CUL9: variants seen among roughly 807,000 people sequenced by gnomAD.
CUL9 encodes the protein cullin-9.
In CUL9, 79 loss-of-function variants were observed where a neutral mutation model predicts 272.6. The observed-to-expected ratio is 0.29, with a 90% CI of 0.24 to 0.35. The LOEUF is 0.35. Ranked by LOEUF, CUL9 falls within the 10% of genes least tolerant of loss-of-function variation. CUL9 has a pLI of 1.00. For missense variants in CUL9, 2,532 were observed against 3,255.6 expected (o/e 0.78, Z 5.41); for synonymous variants, 1,186 against 1,286.5 (o/e 0.92, Z 1.67).
chr6:43,214,274 G>T (rs1160918272), intron 29 of CUL9, among the ~76,000 whole-genome samples: 1 of 152,096 alleles, frequency 6.6e-6, no homozygotes, highest in East Asian at 1.9e-4. Flanking sequence ...ATAAAAATTA[G>T]CTGGGCATGG....
chr6:43,186,943 T>C lies in CUL9; in HGVS notation c.1252-17T>C, dbSNP rs775950923. ...AGCCTTCTCTATTCTGCTCTCTTTC[T>C]TCCTCCCTCATACCAGGTTTTCTGG... is the stretch of plus-strand genomic sequence containing the variant. On this transcript the variant is annotated splice_polypyrimidine_tract_variant and intron_variant, in intron 4 of 40. Coordinates refer to ENST00000252050, the MANE Select transcript of CUL9 (RefSeq NM_015089.4). 18 of 1,613,100 alleles carry C rather than the reference T, an allele frequency of 1.1e-5. No individual in the cohort carries two copies. Among genetic ancestry groups the C allele is most frequent in the Admixed American group, 6.7e-5 (4 of 59,946 alleles).
chr6:43,205,543 A>AATC, intron 24 of CUL9, 120 bp downstream of exon 24: 2 of 1,221,254 alleles, frequency 1.6e-6, no homozygotes, highest in Non-Finnish European at 2.3e-6. Context: ...AGATGTGGAG[A>AATC]TGGCTGGCCA....
chr6:43,203,007 G>A lies in CUL9; in HGVS notation c.3754-102G>A. ...TCCATCCCTAGGCTCTGCGGGAGAA[G>A]TGAAGGGCACACACCATGACCGACT... On this transcript the variant is annotated intron_variant, in intron 17 of 40. Transcript: ENST00000252050. The surrounding 1 kb of genome is among the most constrained non-coding windows in gnomAD (Gnocchi z 5.0). 1 of 1,355,928 alleles carries A rather than the reference G, an allele frequency of 7.4e-7. No homozygotes were observed. The highest frequency in any genetic ancestry group is 1.0e-6 in the Non-Finnish European group (1 of 953,750). The allele number at this position is 1,355,928 out of a possible 1,614,324, so 84.0% of individuals were successfully genotyped here.
intron 8 of CUL9, among the ~76,000 whole-genome samples, chr6:43,192,566 C>T (rs1026592279): frequency 1.3e-5 from 2 of 152,176 alleles, no homozygotes; most frequent in Non-Finnish European, 2.9e-5. Flanking sequence ...GTCCCAGCTA[C>T]TCAAGAGGCT....
chr6:43,209,536 A>G (rs1775311550), intron 26 of CUL9, among the ~76,000 whole-genome samples: 1 of 152,164 alleles, frequency 6.6e-6, no homozygotes, highest in Non-Finnish European at 1.5e-5. Flanking sequence ...ACCTGTTAAC[A>G]TTTAGTTGGC....
chr6:43,186,844 A>T, intron 4 of CUL9, 116 bp from the exon 5 acceptor site: 3 of 1,320,364 alleles, frequency 2.3e-6, no homozygotes, highest in Non-Finnish European at 3.1e-6. Flanking sequence ...CCAGGTGTGT[A>T]TCTGAGGGTG....
At chr6:43,222,040 C>A (rs920596183) in intron 35 of CUL9, 14 of 594,422 alleles carry the variant, frequency 2.4e-5, no homozygotes, top group Non-Finnish European at 3.6e-5. Context: ...TCTCAGAAGG[C>A]AGCAGGGCAG....
Position 43,186,113 on chromosome 6 carries a change from C to T in CUL9, c.909C>T (p.Ser303=), listed in dbSNP as rs1279086905. The part of the protein sequence containing the change: ...KSRGQRELEF[S]MAVGNLISEL... Reference sequence around the variant, plus strand: ...GGGGACAGCGGGAACTGGAGTTCAGCATGGCTGTGGGCAACCTCATCTCTG... The same window carrying T: ...GGGGACAGCGGGAACTGGAGTTCAGTATGGCTGTGGGCAACCTCATCTCTG... The change falls in exon 4 of 41, where the codon AGC becomes AGT. Residue 303 remains serine, a synonymous_variant. Transcript: ENST00000252050. 1 of 1,614,242 alleles carries T rather than the reference C, an allele frequency of 6.2e-7. No individual in the cohort carries two copies. Among genetic ancestry groups the T allele is most frequent in the East Asian group, 2.2e-5 (1 of 44,890 alleles).
In CUL9 at chr6:43,186,237, C is replaced by G; in HGVS notation, c.1033C>G (p.Pro345Ala). 2 of 1,614,216 alleles carry G rather than the reference C, an allele frequency of 1.2e-6. No individual in the cohort carries two copies. The highest frequency in any genetic ancestry group is 2.2e-5 in the South Asian group (2 of 91,086). The change falls in exon 4 of 41, where the codon CCC becomes GCC. Residue 345 changes from proline to alanine, a missense_variant. Transcript: ENST00000252050. ...RSIFQPYISG[P>A]SLLLPTIVTT... ...CATCTTTCAGCCCTACATTTCAGGCCCCAGCCTTTTACTCCCCACCATTGT... is the reference window on the plus strand; with the variant it reads ...CATCTTTCAGCCCTACATTTCAGGCGCCAGCCTTTTACTCCCCACCATTGT...
At chr6:43,183,704 T>TCC (rs1381643208) in intron 1 of CUL9, among the ~76,000 whole-genome samples, 5 of 80,886 alleles carry the variant, frequency 6.2e-5, no homozygotes, top group African/African-American at 2.6e-4. Context: ...CTTCCTTCCT[T>TCC]TCTTCCTTCC....
In CUL9 at chr6:43,186,104, G is replaced by A; in HGVS notation, c.900G>A (p.Leu300=). ...TREKSRGQRE[L]EFSMAVGNLI... ...AGAAAAGCCGGGGACAGCGGGAACT[G>A]GAGTTCAGCATGGCTGTGGGCAACC... The change falls in exon 4 of 41, where the codon CTG becomes CTA. Residue 300 remains leucine, a synonymous_variant. Transcript: ENST00000252050. 1 of 1,614,256 alleles carries A rather than the reference G, an allele frequency of 6.2e-7. No homozygotes were observed. The highest frequency in any genetic ancestry group is 8.5e-7 in the Non-Finnish European group (1 of 1,180,040).
At chr6:43,182,918 T>C (rs1339122850) in intron 1 of CUL9, among the ~76,000 whole-genome samples, 1 of 152,232 alleles carries the variant, frequency 6.6e-6, no homozygotes, top group Admixed American at 6.5e-5. Context: ...TTTGCATTTA[T>C]TTGATGACTC....
At chr6:43,202,031 A>G (rs533778262) in intron 16 of CUL9, among the ~76,000 whole-genome samples, 5 of 152,294 alleles carry the variant, frequency 3.3e-5, no homozygotes, top group African/African-American at 1.2e-4. Context: ...TAGAGAAAGG[A>G]TCCATGTGTT....
chr6:43,199,233 G>C lies in CUL9; in HGVS notation c.3051-33G>C, dbSNP rs937970482. ...TTACAGGCATGAGCCACTGTGCCTG[G>C]CCTGACTTCACTCGTTTCTACCCCC... On this transcript the variant is annotated intron_variant, in intron 12 of 40. Coordinates refer to ENST00000252050, the MANE Select transcript of CUL9 (RefSeq NM_015089.4). The surrounding 1 kb of genome is among the most constrained non-coding windows in gnomAD (Gnocchi z 4.4). 1.3e-6 allele frequency: 2 copies of C among 1,556,706 alleles called. No individual in the cohort carries two copies. The highest frequency in any genetic ancestry group is 2.7e-5 in the African/African-American group (2 of 73,718).
chr6:43,213,873 T>A lies in CUL9; in HGVS notation c.5649T>A (p.His1883Gln). The A allele has an allele frequency of 6.2e-7, 1 of 1,613,948 alleles. No homozygotes were observed. The highest frequency in any genetic ancestry group is 8.5e-7 in the Non-Finnish European group (1 of 1,179,970). The change falls in exon 29 of 41, where the codon CAT becomes CAA. Residue 1883 changes from histidine (H) to glutamine (Q), a missense_variant. His to Gln is a conservative substitution (Grantham distance 24, BLOSUM62 0). This residue lies in a region of CUL9 where 2,218 missense variants were observed against 2,788.6 expected (regional missense o/e 0.80). Transcript: ENST00000252050. The surrounding 1 kb of genome is among the most constrained non-coding windows in gnomAD (Gnocchi z 5.7). ...SCLLVRILKAHGEKGLHIDQL... is the reference protein window; with the variant it reads ...SCLLVRILKAQGEKGLHIDQL... ...TTCTTGTTCGTATTCTCAAAGCCCA[T>A]GGGGAAAAGGGCCTCCACATTGATC...
rs371926809 is a variant in CUL9 at position 43,213,697 on chromosome 6, C to T, written c.5489-16C>T. On this transcript the variant is annotated splice_polypyrimidine_tract_variant and intron_variant, in intron 28 of 40. Transcript: ENST00000252050. This position sits in a 1 kb window ranked among gnomAD's most constrained non-coding sequence, Gnocchi z 5.7. ...CCCTCTGCCTCCTCTGGTACCTGAC[C>T]GGGAGCGGGTTCCAGGTGTGCTGCG... The T allele has an allele frequency of 3.9e-5, 63 of 1,610,770 alleles. No individual in the cohort carries two copies. The highest frequency in any genetic ancestry group is 2.0e-4 in the East Asian group (9 of 44,822).
chr6:43,213,394 C>T lies in CUL9; in HGVS notation c.5359-44C>T. On this transcript the variant is annotated intron_variant, in intron 27 of 40. Coordinates refer to ENST00000252050, the MANE Select transcript of CUL9 (RefSeq NM_015089.4). The surrounding 1 kb of genome is among the most constrained non-coding windows in gnomAD (Gnocchi z 5.7). ...CTCCTTCATCCTTACTCCCCTCTTC[C>T]TTTTCTTTCCTTTGACTCCTGACTG... The T allele has an allele frequency of 3.7e-6, 6 of 1,612,148 alleles. No individual in the cohort carries two copies. The highest frequency in any genetic ancestry group is 1.3e-5 in the African/African-American group (1 of 75,006).
In CUL9 at chr6:43,216,377, A is replaced by T; in HGVS notation, c.6156A>T (p.Ala2052=). ...AGGACCCTGAGCCACTGCTGCTGGCAGCTGGGCTGTGCGTACACCAGGCTC... is the reference window on the plus strand; with the variant it reads ...AGGACCCTGAGCCACTGCTGCTGGCTGCTGGGCTGTGCGTACACCAGGCTC... ...YSEDPEPLLL[A]AGLCVHQAQA... Residue 2052 remains alanine, a synonymous_variant, in exon 31 of 41, where the codon GCA becomes GCT. Transcript: ENST00000252050. 1 of 1,614,180 alleles carries T rather than the reference A, an allele frequency of 6.2e-7. No homozygotes were observed. Among genetic ancestry groups the T allele is most frequent in the Non-Finnish European group, 8.5e-7 (1 of 1,180,018 alleles).
chr6:43,196,215 C>T lies in CUL9; in HGVS notation c.2535C>T (p.Ser845=), dbSNP rs774565346. Residue 845 remains serine (S), a synonymous_variant, in exon 10 of 41, where the codon AGC becomes AGT. Transcript: ENST00000252050. ...IDSATRPGSE[S]LLLTVPAAVI... ...CAGCCACACGCCCGGGCTCTGAGAG[C>T]CTGCTCCTCACTGTCCCTGCAGCCG... 6.2e-7 allele frequency: 1 copy of T among 1,614,036 alleles called. No homozygotes were observed. Among genetic ancestry groups the T allele is most frequent in the African/African-American group, 1.3e-5 (1 of 74,930 alleles).
Sources: allele counts gnomAD v4.1 joint callset (sites outside exome capture counted in the v4.1 genomes callset), GRCh38; gene constraint gnomAD v4.1.1; regional missense constraint gnomAD v4.1.1; non-coding constraint Gnocchi (gnomAD v3.1); transcripts MANE v1.5; gene names NCBI Gene and HGNC (gene_info 2026-07-23, HGNC 2026-07-21).